The following NELL1 variants were observed in gnomAD, a reference collection of about 807,000 sequenced individuals.
NELL1 encodes the protein protein kinase C-binding protein NELL1.
A neutral mutation model predicts 107.4 loss-of-function variants in NELL1; 76 were observed. That is an observed-to-expected ratio of 0.71 (90% CI 0.59 to 0.86). The LOEUF (loss-of-function observed/expected upper bound fraction) is 0.86, where lower values mean the gene tolerates loss of function less well. Among genes scored for constraint, NELL1 ranks in the 40% least tolerant of loss-of-function variants. The probability of loss-of-function intolerance (pLI) is 0.00; values close to 1 mark genes in which losing one functional copy is unlikely to be tolerated. For missense variants in NELL1, 1,024 were observed against 1,005.5 expected, an observed-to-expected ratio of 1.02 and a Z score of -0.25; for synonymous variants, 353 against 341.2, an observed-to-expected ratio of 1.03 and a Z score of -0.38.
intron 3 of NELL1, among the ~76,000 whole-genome samples, chr11:20,829,830 T>G (rs1171745629): frequency 6.6e-6 from 1 of 152,160 alleles, no homozygotes; most frequent in Non-Finnish European, 1.5e-5. Flanking sequence ...TGATGTTGCT[T>G]TTTCTCTGTG....
Position 21,424,348 on chromosome 11 carries a change from C to T in NELL1, c.1645+53400C>T, listed in dbSNP as rs188086302. On this transcript the variant is annotated intron_variant, in intron 15 of 19. Coordinates refer to ENST00000357134, the MANE Select transcript of NELL1 (RefSeq NM_006157.5). The stretch of plus-strand genomic sequence containing the variant: ...GTACTGTATGCCAGCGGGCCAGGCA[C>T]GGTGTCTCACGCTTGTAATACCAGC... Among the ~76,000 whole-genome samples the T allele has an allele frequency of 3.1e-4, 47 of 152,212 alleles. 1 individual carries two copies. Among genetic ancestry groups the T allele is most frequent in the Admixed American group, 2.8e-3 (43 of 15,274 alleles).
intron 12 of NELL1, among the ~76,000 whole-genome samples, chr11:21,043,311 C>T (rs1853280908): frequency 6.6e-6 from 1 of 151,972 alleles, no homozygotes. Flanking sequence ...AAGTTATATT[C>T]TGGGTGGGAG....
At chr11:21,492,489 A>T (rs1239653735) in intron 15 of NELL1, among the ~76,000 whole-genome samples, 2 of 151,820 alleles carry the variant, frequency 1.3e-5, no homozygotes, top group Non-Finnish European at 2.9e-5. Context: ...AAGACTTGGA[A>T]CCAACCCAAA....
chr11:21,086,505 C>G (rs1854395346), intron 12 of NELL1, among the ~76,000 whole-genome samples: 1 of 152,126 alleles, frequency 6.6e-6, no homozygotes. Context: ...TGGGCTGAGT[C>G]TGATACCGGA....
chr11:20,896,696 T>C (rs1470688363), intron 5 of NELL1, among the ~76,000 whole-genome samples: 1 of 152,156 alleles, frequency 6.6e-6, no homozygotes, highest in Non-Finnish European at 1.5e-5. Context: ...CTTAAGCTGA[T>C]AAACAACTTC....
chr11:21,286,990 G>A (rs925078123), intron 14 of NELL1, among the ~76,000 whole-genome samples: 2 of 152,202 alleles, frequency 1.3e-5, no homozygotes, highest in Admixed American at 6.5e-5. Flanking sequence ...GAAAATTCAC[G>A]TAAAACCTGT....
At chr11:21,023,087 G>A (rs1436307364) in intron 12 of NELL1, among the ~76,000 whole-genome samples, 2 of 151,780 alleles carry the variant, frequency 1.3e-5, no homozygotes, top group Admixed American at 1.3e-4. Flanking sequence ...AGCTTAATAG[G>A]GTATTTCAAA....
At chr11:21,084,486 A>G (rs536154898) in intron 12 of NELL1, among the ~76,000 whole-genome samples, 15 of 152,272 alleles carry the variant, frequency 9.9e-5, no homozygotes, top group African/African-American at 3.1e-4. Context: ...CGCTTGATTT[A>G]TTGATTTATG....
chr11:20,898,125 G>A (rs576272921), intron 5 of NELL1, among the ~76,000 whole-genome samples: 1 of 152,296 alleles, frequency 6.6e-6, no homozygotes, highest in East Asian at 1.9e-4. Context: ...GCACACATAT[G>A]TTTATCGCAG....
intron 12 of NELL1, among the ~76,000 whole-genome samples, chr11:21,053,766 A>G (rs1283648374): frequency 6.6e-6 from 1 of 152,180 alleles, no homozygotes; most frequent in Admixed American, 6.5e-5. Context: ...TCCCTAAAAC[A>G]TAATTGTTTG....
chr11:20,779,271 G>A (rs1590286203), intron 2 of NELL1, among the ~76,000 whole-genome samples: 1 of 152,184 alleles, frequency 6.6e-6, no homozygotes, highest in African/African-American at 2.4e-5. Flanking sequence ...AAGGTGGCAT[G>A]ATACGCACAT....
intron 15 of NELL1, among the ~76,000 whole-genome samples, chr11:21,454,395 G>A (rs1021075593): frequency 6.6e-6 from 1 of 151,990 alleles, no homozygotes; most frequent in African/African-American, 2.4e-5. Context: ...ACATACGTGT[G>A]CATGTGGCTT....
At chr11:21,439,672 G>T (rs866732375) in intron 15 of NELL1, among the ~76,000 whole-genome samples, 2 of 152,066 alleles carry the variant, frequency 1.3e-5, no homozygotes, top group African/African-American at 4.8e-5. Context: ...AAGTAATACA[G>T]CCAAGTCAAT....
At chr11:21,032,908 T>C (rs1217543827) in intron 12 of NELL1, among the ~76,000 whole-genome samples, 1 of 152,254 alleles carries the variant, frequency 6.6e-6, no homozygotes, top group Admixed American at 6.5e-5. Flanking sequence ...AACTGTTGCA[T>C]CTGTGAGAAG....
At chr11:20,764,434 A>G (rs1243143516) in intron 2 of NELL1, among the ~76,000 whole-genome samples, 1 of 152,134 alleles carries the variant, frequency 6.6e-6, no homozygotes, top group Non-Finnish European at 1.5e-5. Flanking sequence ...AGCTACACCA[A>G]CATGCTGAGG....
chr11:21,116,107 A>G (rs1291650862), intron 13 of NELL1, among the ~76,000 whole-genome samples: 1 of 151,960 alleles, frequency 6.6e-6, no homozygotes, highest in African/African-American at 2.4e-5. Flanking sequence ...TCTGCAGAGG[A>G]TACATTTATC....
chr11:21,113,148 A>C (rs1565066379), intron 12 of NELL1, among the ~76,000 whole-genome samples: 1 of 151,966 alleles, frequency 6.6e-6, no homozygotes, highest in East Asian at 2.0e-4. Flanking sequence ...GTAGCGTTTG[A>C]ATTGAAGCAT....
intron 12 of NELL1, among the ~76,000 whole-genome samples, chr11:21,065,192 C>G (rs1046429269): frequency 2.0e-5 from 3 of 151,988 alleles, no homozygotes; most frequent in Non-Finnish European, 2.9e-5. Flanking sequence ...CTGGATACCC[C>G]GAGAACAGTT....
chr11:21,496,381 A>G (rs1352574874), intron 15 of NELL1, among the ~76,000 whole-genome samples: 1 of 146,860 alleles, frequency 6.8e-6, no homozygotes, highest in East Asian at 2.0e-4. Flanking sequence ...AATAGGTACA[A>G]TTTAAACATA....
Sources: gnomAD v4.1 joint callset for allele counts (sites outside exome capture counted in the v4.1 genomes callset) on GRCh38, gnomAD v4.1.1 for gene constraint, MANE v1.5 for transcripts, NCBI Gene and HGNC (gene_info 2026-07-23, HGNC 2026-07-21) for gene names.